NEBL: variants seen among roughly 807,000 people sequenced by gnomAD.
The protein encoded by NEBL is nebulette, also known as LIM and SH3 protein 2.
A neutral mutation model predicts 140.2 loss-of-function variants in NEBL; 122 were observed. The ratio of observed to expected loss-of-function variants is 0.87; its 90% CI spans 0.75 to 1.01. The LOEUF is 1.01. Ranked by LOEUF, NEBL falls within the 50% of genes least tolerant of loss-of-function variation. The pLI is 0.00. For synonymous variants in NEBL, 436 were observed against 398.9 expected (o/e 1.09, Z -1.11); for missense variants, 1,365 against 1,231.3 (o/e 1.11, Z -1.62).
intron 2 of NEBL, among the ~76,000 whole-genome samples, chr10:21,062,597 GGATCGCTTGAGCCCAGGA>G (rs1835354300): frequency 6.6e-6 from 1 of 152,194 alleles, no homozygotes; most frequent in African/African-American, 2.4e-5. Context: ...TGAGACAGGA[GGATCGCTTGAGCCCAGGA>G]GATCAAGGCT....
At chr10:20,847,281 C>T (rs1318687244) in intron 11 of NEBL, among the ~76,000 whole-genome samples, 1 of 152,116 alleles carries the variant, frequency 6.6e-6, no homozygotes, top group Non-Finnish European at 1.5e-5. Context: ...ATTTCACTCT[C>T]CTCAAGAAAT....
intron 2 of NEBL, among the ~76,000 whole-genome samples, chr10:21,138,824 A>T (rs1188577959): frequency 7.3e-5 from 8 of 109,406 alleles, no homozygotes; most frequent in Non-Finnish European, 1.3e-4. Context: ...AAACTATTTA[A>T]AAAAAAAAAA....
At chr10:21,274,145 T>C (rs1444092321) in intron 1 of NEBL, among the ~76,000 whole-genome samples, 1 of 152,116 alleles carries the variant, frequency 6.6e-6, no homozygotes, top group Non-Finnish European at 1.5e-5. Flanking sequence ...AGAGGCCCAG[T>C]AACAAGAAAG....
chr10:20,920,318 T>TA (rs1269004603), intron 4 of NEBL, among the ~76,000 whole-genome samples: 2 of 152,090 alleles, frequency 1.3e-5, no homozygotes, highest in Non-Finnish European at 2.9e-5. Context: ...GGGGTACTGG[T>TA]AAAAAATATG....
chr10:20,829,149 C>T (rs1840163082), intron 16 of NEBL, among the ~76,000 whole-genome samples: 1 of 151,950 alleles, frequency 6.6e-6, no homozygotes, highest in Admixed American at 6.6e-5. Flanking sequence ...GTATCAGAGC[C>T]TCAACTTAAA....
At chr10:21,024,135 C>G (rs1021355836) in intron 2 of NEBL, among the ~76,000 whole-genome samples, 1 of 151,118 alleles carries the variant, frequency 6.6e-6, no homozygotes, top group African/African-American at 2.4e-5. Flanking sequence ...ATCTCATGAC[C>G]AAAGTGCAAA....
At chr10:21,113,131 GA>G (rs1838113454) in intron 2 of NEBL, 1 of 265,080 alleles carries the variant, frequency 3.8e-6, no homozygotes, top group South Asian at 4.2e-5. Flanking sequence ...GAGGAGGAGG[GA>G]AGAGGAGGAG....
At chr10:21,038,432 A>G (rs900514209) in intron 2 of NEBL, among the ~76,000 whole-genome samples, 1 of 151,556 alleles carries the variant, frequency 6.6e-6, no homozygotes, top group African/African-American at 2.4e-5. Context: ...TCATTGTTCA[A>G]CTCCCACTTA....
At chr10:20,798,150 A>C (rs1183456726) in intron 26 of NEBL, among the ~76,000 whole-genome samples, 2 of 152,078 alleles carry the variant, frequency 1.3e-5, no homozygotes, top group African/African-American at 2.4e-5. Flanking sequence ...TATCAGAAAT[A>C]CTAGGGGGAA....
chr10:20,805,828 G>T, intron 26 of NEBL, among the ~76,000 whole-genome samples: 1 of 150,834 alleles, frequency 6.6e-6, no homozygotes, highest in Non-Finnish European at 1.5e-5. Context: ...ACTCCAGGCT[G>T]AGTGACACAG....
chr10:21,021,617 T>C (rs1370298473), intron 2 of NEBL, among the ~76,000 whole-genome samples: 1 of 152,194 alleles, frequency 6.6e-6, no homozygotes, highest in Non-Finnish European at 1.5e-5. Flanking sequence ...GGTCTTGCCT[T>C]AGATGTCACT....
At chr10:21,212,581 A>T (rs985534771) in intron 3 of NEBL, among the ~76,000 whole-genome samples, 3 of 152,196 alleles carry the variant, frequency 2.0e-5, no homozygotes, top group African/African-American at 7.2e-5. Flanking sequence ...CTTCGGTGAA[A>T]GGGGTGGAAT....
chr10:20,889,178 C>T (rs1003961899), intron 3 of NEBL, among the ~76,000 whole-genome samples: 1 of 152,206 alleles, frequency 6.6e-6, no homozygotes, highest in Non-Finnish European at 1.5e-5. Context: ...AAACGTATCT[C>T]TTCTAAGTGA....
intron 11 of NEBL, among the ~76,000 whole-genome samples, chr10:20,848,265 G>A (rs74123503): frequency 0.074 from 11,280 of 152,224 alleles, 1,339 homozygotes; most frequent in African/African-American, 0.25. Context: ...TTTACAAACT[G>A]TTATCTAAAG....
chr10:21,212,378 C>G (rs12253488), intron 3 of NEBL, among the ~76,000 whole-genome samples: 28,300 of 151,902 alleles, frequency 0.19, 4,191 homozygotes, highest in African/African-American at 0.42. Context: ...AATCCTGGCC[C>G]CAACTTTCCT....
At chr10:21,115,065 T>C (rs1426209010) in intron 2 of NEBL, among the ~76,000 whole-genome samples, 1 of 151,996 alleles carries the variant, frequency 6.6e-6, no homozygotes, top group Non-Finnish European at 1.5e-5. Context: ...TATCTCTTTA[T>C]ATTGTTTCTT....
chr10:21,171,679 G>A (rs899585764), intron 2 of NEBL: 1 of 154,208 alleles, frequency 6.5e-6, no homozygotes, highest in African/African-American at 2.4e-5. Context: ...AACAGAGCTT[G>A]ACACACGGTG....
intron 12 of NEBL, among the ~76,000 whole-genome samples, chr10:20,843,945 C>A (rs1358644379): frequency 1.3e-5 from 2 of 152,120 alleles, no homozygotes; most frequent in Non-Finnish European, 2.9e-5. Context: ...ATCGATTAAC[C>A]AACCTCTCCC....
intron 2 of NEBL, among the ~76,000 whole-genome samples, chr10:21,146,099 G>A (rs537649573): frequency 1.3e-5 from 2 of 152,278 alleles, no homozygotes; most frequent in East Asian, 3.9e-4. Context: ...ATTCATTTGA[G>A]TCTTCCTTTA....
Sources: allele counts gnomAD v4.1 joint callset (sites outside exome capture counted in the v4.1 genomes callset), GRCh38; gene constraint gnomAD v4.1.1; transcripts MANE v1.5; gene names NCBI Gene and HGNC (gene_info 2026-07-23, HGNC 2026-07-21).